RRP1B: variants seen among roughly 807,000 people sequenced by gnomAD.
RRP1B encodes the protein ribosomal RNA processing 1B.
Under a neutral mutation model 80.2 loss-of-function variants are expected in RRP1B, and 56 were observed. The observed-to-expected ratio is 0.70, with a 90% CI of 0.56 to 0.87. RRP1B has a LOEUF of 0.87. RRP1B is among the 40% of genes least tolerant of loss of function. RRP1B has a pLI of 0.00. For synonymous variants in RRP1B, 351 were observed against 357.6 expected (o/e 0.98, Z 0.21); for missense variants, 807 against 939.8 (o/e 0.86, Z 1.85).
chr21:43,690,420 C>A lies in RRP1B; in HGVS notation c.1999C>A (p.Pro667Thr), dbSNP rs751982890. The change falls in exon 14 of 16, where the codon CCT becomes ACT. Residue 667 changes from proline to threonine, a missense_variant. Transcript: ENST00000340648. ...AGCCAAGAGCAGCACTGCCACCCACCCTCCAGGCCCTGCCGTCCAGGTACG... is the reference window on the plus strand; with the variant it reads ...AGCCAAGAGCAGCACTGCCACCCACACTCCAGGCCCTGCCGTCCAGGTACG... ...RRAKSSTATH[P>T]PGPAVQLNKT... 3 of 1,613,984 alleles carry A rather than the reference C, an allele frequency of 1.9e-6. No individual in the cohort carries two copies. Among genetic ancestry groups the A allele is most frequent in the Non-Finnish European group, 2.5e-6 (3 of 1,180,014 alleles).
At chr21:43,674,045 A>G in intron 4 of RRP1B, 90 bp downstream of exon 4, 2 of 954,638 alleles carry the variant, frequency 2.1e-6, no homozygotes, top group South Asian at 3.3e-5. Flanking sequence ...TTTGTGAAGC[A>G]AAACAAGCCA....
chr21:43,672,405 C>A, intron 3 of RRP1B, 40 bp downstream of exon 3: 2 of 1,556,644 alleles, frequency 1.3e-6, no homozygotes, highest in Non-Finnish European at 1.8e-6. Flanking sequence ...CCAAGTTTTC[C>A]GACTTGCTAG....
At chr21:43,679,143 T>A (rs1299889912) in intron 8 of RRP1B, among the ~76,000 whole-genome samples, 1 of 152,186 alleles carries the variant, frequency 6.6e-6, no homozygotes. Flanking sequence ...ACCATGCCAT[T>A]ATGGTGACTA....
rs1417885856 is a variant in RRP1B, at chr21:43,682,279, G to A, written c.797-1000G>A. Among the ~76,000 whole-genome samples the A allele has an allele frequency of 3.3e-5, 5 of 152,118 alleles. No homozygotes were observed. In the East Asian group the frequency reaches 9.6e-4, roughly 29 times the overall value. On this transcript the variant is annotated intron_variant, in intron 8 of 15. Transcript: ENST00000340648. ...CTCTCTTCCAAGTGCAGTTCCGGAC[G>A]TTCCCTCCCAGTTGCGTTCATGAAA...
intron 9 of RRP1B, among the ~76,000 whole-genome samples, chr21:43,684,117 G>A (rs1013596629): frequency 3.4e-5 from 5 of 147,492 alleles, no homozygotes; most frequent in Non-Finnish European, 4.4e-5. Flanking sequence ...TGTCTCCCAG[G>A]CTGGAGTGCG....
At chr21:43,667,424 T>C (rs1276068359) in intron 1 of RRP1B, among the ~76,000 whole-genome samples, 1 of 152,088 alleles carries the variant, frequency 6.6e-6, no homozygotes, top group African/African-American at 2.4e-5. Context: ...TGTGTGTGTG[T>C]GTGTGTTTAA....
In RRP1B at chr21:43,668,997, A is replaced by G. The variant is rs1309793506; in HGVS notation, c.131-887A>G. On this transcript the variant is annotated intron_variant, in intron 1 of 15. Transcript: ENST00000340648. ...AAGGCTGAACGAGACTGGTCACTCAATCATAGATCATGAAGGCAGAGGTAG... is the reference window on the plus strand; with the variant it reads ...AAGGCTGAACGAGACTGGTCACTCAGTCATAGATCATGAAGGCAGAGGTAG... Among the ~76,000 whole-genome samples the G allele has an allele frequency of 4.6e-5, 7 of 152,348 alleles. No homozygotes were observed. The South Asian group carries it at 1.0e-3, about 23-fold the overall frequency.
At chr21:43,676,510 C>T (rs570994682) in intron 7 of RRP1B, among the ~76,000 whole-genome samples, 174 bp downstream of exon 7, 1 of 152,362 alleles carries the variant, frequency 6.6e-6, no homozygotes, top group East Asian at 1.9e-4. Flanking sequence ...TCAGTATTTG[C>T]CTCACTCATT....
In RRP1B at chr21:43,687,874, T is replaced by G. The variant is rs749138145; in HGVS notation, c.1500T>G (p.Ser500Arg). ...AVLPPEDMSQ[S>R]GPSGSHPQGP... ...TGCCCCCAGAGGACATGTCTCAGAG[T>G]GGCCCGAGTGGCAGTCATCCTCAGG... The change falls in exon 13 of 16, where the codon AGT becomes AGG. Residue 500 changes from serine to arginine, a missense_variant. Transcript: ENST00000340648. 2 of 1,613,230 alleles carry G rather than the reference T, an allele frequency of 1.2e-6. No individual in the cohort carries two copies. Among genetic ancestry groups the G allele is most frequent in the Non-Finnish European group, 1.7e-6 (2 of 1,180,020 alleles).
intron 2 of RRP1B, 80 bp downstream of exon 2, chr21:43,670,046 T>C: frequency 9.9e-7 from 1 of 1,006,970 alleles, no homozygotes; most frequent in Non-Finnish European, 1.5e-6. Context: ...GCTGTGCCAG[T>C]CCCCCGATAC....
chr21:43,672,258 A>G, intron 2 of RRP1B, 50 bp from the exon 3 acceptor site: 1 of 1,558,800 alleles, frequency 6.4e-7, no homozygotes, highest in Non-Finnish European at 8.8e-7. Context: ...CAGGCATCTC[A>G]TGTTGCCCCA....
Position 43,686,889 on chromosome 21 carries a change from G to A in RRP1B, c.1095G>A (p.Lys365=). The A allele has an allele frequency of 1.2e-6, 2 of 1,614,022 alleles. No individual in the cohort carries two copies. The highest frequency in any genetic ancestry group is 1.7e-6 in the Non-Finnish European group (2 of 1,179,966). Residue 365 remains lysine (K), a synonymous_variant, in exon 12 of 16, where the codon AAG becomes AAA. Coordinates refer to ENST00000340648, the MANE Select transcript of RRP1B (RefSeq NM_015056.3). The stretch of plus-strand genomic sequence containing the variant: ...TCCTCAGTCAAGGAAAGCATAAGAA[G>A]AAAGGAAATAAACTTTTAGAGAAAA... The part of the protein sequence containing the change: ...DQILSQGKHK[K]KGNKLLEKTN...
chr21:43,691,595 A>G lies in RRP1B; in HGVS notation c.2083+93A>G, dbSNP rs983900886. 1 of 1,055,742 alleles carries G rather than the reference A, an allele frequency of 9.5e-7. No individual in the cohort carries two copies. Among genetic ancestry groups the G allele is most frequent in the Non-Finnish European group, 1.5e-6 (1 of 684,208 alleles). The allele number at this position is 1,055,742 out of a possible 1,614,324, so 65.4% of individuals were successfully genotyped here. On this transcript the variant is annotated intron_variant, in intron 15 of 15. Transcript: ENST00000340648. This position sits in a 1 kb window ranked among gnomAD's most constrained non-coding sequence, Gnocchi z 4.2. ...CCTGGTTCCACAAGGCGGTCGGGGA[A>G]GAGGGGGGTCCTAGCTCCTCACTGC...
intron 3 of RRP1B, among the ~76,000 whole-genome samples, chr21:43,672,671 G>A (rs979156499): frequency 6.6e-6 from 1 of 152,192 alleles, no homozygotes; most frequent in African/African-American, 2.4e-5. Context: ...CTGGATGCCA[G>A]GTTCGTCTTC....
At chr21:43,673,517 C>G (rs2083008313) in intron 3 of RRP1B, among the ~76,000 whole-genome samples, 1 of 151,478 alleles carries the variant, frequency 6.6e-6, no homozygotes, top group African/African-American at 2.4e-5. Flanking sequence ...ACCTGTAATC[C>G]CAGCTACTCG....
intron 8 of RRP1B, among the ~76,000 whole-genome samples, chr21:43,679,340 C>T (rs1269760989): frequency 6.6e-6 from 1 of 151,872 alleles, no homozygotes; most frequent in Non-Finnish European, 1.5e-5. Context: ...GCGATCTCAG[C>T]TCACTGCAAC....
chr21:43,659,835 C>T lies in RRP1B; in HGVS notation c.130+41C>T, dbSNP rs1487272094. 4 of 1,477,236 alleles carry T rather than the reference C, an allele frequency of 2.7e-6. No individual in the cohort carries two copies. The highest frequency in any genetic ancestry group is 1.5e-5 in the African/African-American group (1 of 68,638). 91.5% of individuals were successfully genotyped at this position (1,477,236 alleles called of 1,614,324 possible). On this transcript the variant is annotated intron_variant, in intron 1 of 15. Coordinates refer to ENST00000340648, the MANE Select transcript of RRP1B (RefSeq NM_015056.3). The surrounding 1 kb of genome is among the most constrained non-coding windows in gnomAD (Gnocchi z 4.2). ...CGGTCAGCCGCGCCACATGGCGGGC[C>T]GGGGGCCGGGGCTGGGGCTAGGGCC...
intron 13 of RRP1B, 135 bp downstream of exon 13, chr21:43,688,375 G>GTTA: frequency 9.0e-7 from 1 of 1,113,196 alleles, no homozygotes; most frequent in Non-Finnish European, 1.3e-6. Context: ...AGAATAGGGT[G>GTTA]TGTTCATAAC....
intron 12 of RRP1B, 104 bp from the exon 13 acceptor site, chr21:43,687,412 A>T: frequency 1.5e-6 from 2 of 1,309,076 alleles, no homozygotes; most frequent in Non-Finnish European, 2.0e-6. Flanking sequence ...CTCGTGGTAG[A>T]ATGTCAGGAA....
Sources: allele counts gnomAD v4.1 joint callset (sites outside exome capture counted in the v4.1 genomes callset), GRCh38; gene constraint gnomAD v4.1.1; non-coding constraint Gnocchi (gnomAD v3.1); transcripts MANE v1.5; gene names NCBI Gene and HGNC (gene_info 2026-07-23, HGNC 2026-07-21).